Variants in KDM1B observed in about 807,000 individuals in gnomAD.
The protein encoded by KDM1B is lysine demethylase 1B.
KDM1B carries 63 observed loss-of-function variants against 107.4 expected under a neutral mutation model. The observed-to-expected ratio is 0.59, with a 90% CI of 0.48 to 0.72. The LOEUF (loss-of-function observed/expected upper bound fraction) is 0.72, where lower values mean the gene tolerates loss of function less well. Among genes scored for constraint, KDM1B ranks in the 30% least tolerant of loss-of-function variants. The probability of loss-of-function intolerance (pLI) is 0.00; values close to 1 mark genes in which losing one functional copy is unlikely to be tolerated. For missense variants in KDM1B, 749 were observed against 1,020.8 expected (o/e 0.73, Z 3.63); for synonymous variants, 363 against 363.9 (o/e 1.00, Z 0.03).
Position 18,161,416 on chromosome 6 carries a change from G to A in KDM1B, c.177G>A (p.Thr59=), listed in dbSNP as rs761905323. Residue 59 remains threonine (T), a synonymous_variant, in exon 4 of 22, where the codon ACG becomes ACA. Coordinates refer to ENST00000650836, the MANE Select transcript of KDM1B (RefSeq NM_001364614.2). The part of the protein sequence containing the change: ...KYRKCEKAGC[T]ATCPVCFASA... ...GGAAATGTGAAAAGGCAGGCTGTAC[G>A]GCAACATGTCCTGTGTGCTTTGCAA... The A allele has an allele frequency of 8.1e-6, 13 of 1,614,002 alleles. No homozygotes were observed. Among genetic ancestry groups the A allele is most frequent in the Middle Eastern group, 1.7e-4 (1 of 6,060 alleles).
intron 2 of KDM1B, among the ~76,000 whole-genome samples, chr6:18,157,023 C>G (rs1231152773): frequency 1.3e-5 from 2 of 152,040 alleles, no homozygotes; most frequent in Non-Finnish European, 2.9e-5. Context: ...ACCAAAAAAT[C>G]CCACTTTTTT....
In KDM1B at chr6:18,207,575, G is replaced by A. The variant is rs748194701; in HGVS notation, c.1791+46G>A. 562 of 1,609,572 alleles carry A rather than the reference G, an allele frequency of 3.5e-4. 1 individual carries two copies. Among genetic ancestry groups the A allele is most frequent in the Non-Finnish European group, 4.5e-4 (534 of 1,176,370 alleles). ...GGCTCTGGCTCGCCTTGTTTGGGGA[G>A]GATGTGAAGTTCTGGGCATGCGGCT... On this transcript the variant is annotated intron_variant, in intron 16 of 21. Transcript: ENST00000650836.
chr6:18,174,649 G>A (rs1785876494), intron 7 of KDM1B, among the ~76,000 whole-genome samples: 1 of 151,368 alleles, frequency 6.6e-6, no homozygotes, highest in Admixed American at 6.6e-5. Context: ...AGTTCATTGT[G>A]TCATTCATAT....
chr6:18,184,052 T>C (rs1786662574), intron 7 of KDM1B, among the ~76,000 whole-genome samples: 1 of 152,052 alleles, frequency 6.6e-6, no homozygotes, highest in South Asian at 2.1e-4. Flanking sequence ...CAATGAATTT[T>C]CGCCAAGTAC....
At chr6:18,208,700 A>G (rs750253040) in intron 17 of KDM1B, among the ~76,000 whole-genome samples, 3 of 117,622 alleles carry the variant, frequency 2.6e-5, no homozygotes, top group East Asian at 3.0e-4. Flanking sequence ...GCTGGAGTGC[A>G]GTGGCGCAAA....
In KDM1B at chr6:18,208,745, C is replaced by T. The variant is rs567971390; in HGVS notation, c.1866+539C>T. On this transcript the variant is annotated intron_variant, in intron 17 of 21. Coordinates refer to ENST00000650836, the MANE Select transcript of KDM1B (RefSeq NM_001364614.2). ...CTGCAAGCTCCGCCTCCCGGGTTCA[C>T]GCCATTCTCCTGCCTCAACCTCCCA... 3.6e-3 allele frequency among the ~76,000 whole-genome samples: 507 copies of T among 141,490 alleles called. 1 individual carries two copies. The highest frequency in any genetic ancestry group is 6.3e-3 in the Non-Finnish European group (416 of 65,874). The allele number at this position is 141,490 out of a possible 152,430, so 92.8% of individuals were successfully genotyped here. A position where few individuals can be genotyped will look rare whatever the true frequency, so the allele number is the denominator to read the frequency against.
chr6:18,202,611 T>A (rs958469035), intron 14 of KDM1B, among the ~76,000 whole-genome samples: 2 of 152,206 alleles, frequency 1.3e-5, no homozygotes, highest in African/African-American at 2.4e-5. Flanking sequence ...CTTGGAGGCA[T>A]GTTGGAGTTT....
Position 18,186,063 on chromosome 6 carries a change from G to C in KDM1B, c.573+253G>C, listed in dbSNP as rs1786832594. On this transcript the variant is annotated intron_variant, in intron 8 of 21. Transcript: ENST00000650836. This position sits in a 1 kb window ranked among gnomAD's most constrained non-coding sequence, Gnocchi z 5.6. ...AAAAGGAAACAAAGAGGAAGACACA[G>C]CTCTCCTGCCTTGCTCTAGGGCTCA... 6.6e-6 allele frequency among the ~76,000 whole-genome samples: 1 copy of C among 152,194 alleles called. No individual in the cohort carries two copies. Among genetic ancestry groups the C allele is most frequent in the South Asian group, 2.1e-4 (1 of 4,830 alleles).
At position 18,187,798 on chromosome 6, in the gene KDM1B, T is replaced by C; in HGVS notation, c.580T>C (p.Leu194=). The part of the protein sequence containing the change: ...HCSLPEDLRV[L]EVSNHWWYSM... ...CCTGTCTGGCCCATTGCAGAGAGTATTGGAAGTTTCCAACCATTGGTGGTA... is the reference window on the plus strand; with the variant it reads ...CCTGTCTGGCCCATTGCAGAGAGTACTGGAAGTTTCCAACCATTGGTGGTA... Residue 194 remains leucine (L), a synonymous_variant, in exon 9 of 22, where the codon TTG becomes CTG. Coordinates refer to ENST00000650836, the MANE Select transcript of KDM1B (RefSeq NM_001364614.2). The C allele has an allele frequency of 2.6e-6, 4 of 1,548,108 alleles. No individual in the cohort carries two copies. The highest frequency in any genetic ancestry group is 3.5e-6 in the Non-Finnish European group (4 of 1,144,854).
In KDM1B at chr6:18,191,240, T is replaced by G; in HGVS notation, c.828T>G (p.Asn276Lys). Residue 276 changes from asparagine (N) to lysine (K), a missense_variant, in exon 10 of 22, where the codon AAT (asparagine) becomes AAG (lysine). By Grantham distance (94) the Asn-to-Lys change is moderately conservative. Coordinates refer to ENST00000650836, the MANE Select transcript of KDM1B (RefSeq NM_001364614.2). This position sits in a 1 kb window ranked among gnomAD's most constrained non-coding sequence, Gnocchi z 5.1. The part of the protein sequence containing the change: ...NRYFQPFYQP[N>K]ECGKALCVRP... ...ACTTCCAGCCTTTCTACCAGCCCAA[T>G]GAGTGTGGCAAAGCCCTCTGTGTGA... 1 of 1,550,624 alleles carries G rather than the reference T, an allele frequency of 6.4e-7. No individual in the cohort carries two copies. The highest frequency in any genetic ancestry group is 8.7e-7 in the Non-Finnish European group (1 of 1,147,006).
In KDM1B at chr6:18,159,114, C is replaced by T. The variant is rs958983406; in HGVS notation, c.-13-769C>T. ...TCCTGAGTAGCTGGAATTACAGGCA[C>T]GCGCCTCCATGCCTGGCTAATTTTT... On this transcript the variant is annotated intron_variant, in intron 2 of 21. Coordinates refer to ENST00000650836, the MANE Select transcript of KDM1B (RefSeq NM_001364614.2). This position sits in a 1 kb window ranked among gnomAD's most constrained non-coding sequence, Gnocchi z 4.5. Among the ~76,000 whole-genome samples the T allele has an allele frequency of 2.6e-5, 4 of 152,118 alleles. No individual in the cohort carries two copies. Among genetic ancestry groups the T allele is most frequent in the African/African-American group, 4.8e-5 (2 of 41,400 alleles).
chr6:18,218,991 C>T (rs1388164769), intron 21 of KDM1B, among the ~76,000 whole-genome samples: 2 of 152,166 alleles, frequency 1.3e-5, no homozygotes, highest in Non-Finnish European at 2.9e-5. Context: ...CAAGCTCTGC[C>T]TCCTGGGTTC....
At chr6:18,183,947 C>A (rs1786657060) in intron 7 of KDM1B, among the ~76,000 whole-genome samples, 1 of 152,048 alleles carries the variant, frequency 6.6e-6, no homozygotes, top group Non-Finnish European at 1.5e-5. Flanking sequence ...AGGACTAGAA[C>A]TGCTAGGCCA....
At position 18,201,484 on chromosome 6, in the gene KDM1B, A is replaced by G; in HGVS notation, c.1360-2A>G. The G allele has an allele frequency of 6.5e-7, 1 of 1,544,366 alleles. No homozygotes were observed. Among genetic ancestry groups the G allele is most frequent in the Non-Finnish European group, 8.7e-7 (1 of 1,144,844 alleles). On this transcript the variant is annotated splice_acceptor_variant, in intron 13 of 21. Coordinates refer to ENST00000650836, the MANE Select transcript of KDM1B (RefSeq NM_001364614.2). LOFTEE classifies it high-confidence loss of function. The surrounding 1 kb of genome is among the most constrained non-coding windows in gnomAD (Gnocchi z 4.3). ...CACCTTCTTATTCTTATTATTTTGA[A>G]GCTTGGCATCAGCATGCATAAATTT...
chr6:18,174,075 C>T (rs1463556004), intron 7 of KDM1B, among the ~76,000 whole-genome samples: 3 of 152,210 alleles, frequency 2.0e-5, no homozygotes, highest in Non-Finnish European at 2.9e-5. Flanking sequence ...TGAGCCACTG[C>T]GCCCGGCCCT....
At chr6:18,181,483 A>G (rs1011084238) in intron 7 of KDM1B, among the ~76,000 whole-genome samples, 5 of 152,216 alleles carry the variant, frequency 3.3e-5, no homozygotes, top group African/African-American at 1.2e-4. Context: ...AGTGGGAATC[A>G]GTTGGGCGCA....
rs1788914531 is a variant in KDM1B, at chr6:18,212,434, G to A, written c.1867-54G>A. ...ATGGGTTGTTGATACCAGTGTAGTG[G>A]TAGTGTGAGGTTCTGTTGCTGTTTG... On this transcript the variant is annotated intron_variant, in intron 17 of 21. Coordinates refer to ENST00000650836, the MANE Select transcript of KDM1B (RefSeq NM_001364614.2). This position sits in a 1 kb window ranked among gnomAD's most constrained non-coding sequence, Gnocchi z 5.2. 13 of 994,430 alleles carry A rather than the reference G, an allele frequency of 1.3e-5. No homozygotes were observed. Among genetic ancestry groups the A allele is most frequent in the South Asian group, 3.8e-5 (3 of 78,506 alleles). 61.6% of individuals were successfully genotyped at this position (994,430 alleles called of 1,614,324 possible).
rs1789873253 is a variant in KDM1B, at chr6:18,222,927, T to C, written c.*935T>C. 2 of 152,654 alleles carry C rather than the reference T, an allele frequency of 1.3e-5. No individual in the cohort carries two copies. Among genetic ancestry groups the C allele is most frequent in the Non-Finnish European group, 1.5e-5 (1 of 68,040 alleles). The allele number at this position is 152,654 out of a possible 1,614,324, so 9.5% of individuals were successfully genotyped here. On this transcript the variant is annotated 3_prime_UTR_variant, in exon 22 of 22. Transcript: ENST00000650836. ...TACAGTATTCCATAGGCAGGTCCAC[T>C]GGAAAACTGCAGAAAAATGTGAGCT...
chr6:18,208,747 C>A (rs1337213758), intron 17 of KDM1B, among the ~76,000 whole-genome samples: 6 of 141,940 alleles, frequency 4.2e-5, no homozygotes, highest in Non-Finnish European at 1.5e-5. Context: ...CGGGTTCACG[C>A]CATTCTCCTG....
Sources: gnomAD v4.1 joint callset for allele counts (sites outside exome capture counted in the v4.1 genomes callset) on GRCh38, gnomAD v4.1.1 for gene constraint, Gnocchi (gnomAD v3.1) non-coding constraint, MANE v1.5 for transcripts, NCBI Gene and HGNC (gene_info 2026-07-23, HGNC 2026-07-21) for gene names.